The following KLHL3 variants were observed in gnomAD, a reference collection of about 807,000 sequenced individuals.
KLHL3 encodes the protein kelch like family member 3, also known as kelch-like protein 3.
Under a neutral mutation model 70.5 loss-of-function variants are expected in KLHL3, and 19 were observed. That is an observed-to-expected ratio of 0.27 (90% CI 0.19 to 0.40). The LOEUF is 0.40. Ranked by LOEUF, KLHL3 falls within the 10% of genes least tolerant of loss-of-function variation. The probability of loss-of-function intolerance (pLI) is 1.00; values close to 1 mark genes in which losing one functional copy is unlikely to be tolerated. For synonymous variants in KLHL3, 258 were observed against 290.3 expected, an observed-to-expected ratio of 0.89 and a Z score of 1.13; for missense variants, 512 against 771.1, an observed-to-expected ratio of 0.66 and a Z score of 3.98.
chr5:137,624,163 T>C (rs1242221371), intron 14 of KLHL3, among the ~76,000 whole-genome samples: 3 of 152,228 alleles, frequency 2.0e-5, no homozygotes, highest in African/African-American at 4.8e-5. Context: ...AATAAATTTG[T>C]CCATAAATCT....
rs55683916 is a variant in KLHL3 at position 137,691,777 on chromosome 5, ATT to A, written c.526+506_526+507del. 1.5e-3 allele frequency among the ~76,000 whole-genome samples: 224 copies of A among 146,032 alleles called. 1 individual carries two copies. The highest frequency in any genetic ancestry group is 3.1e-3 in the African/African-American group (123 of 39,512). On this transcript the variant is annotated intron_variant, in intron 5 of 14. Transcript: ENST00000309755. ...AGGCGCCCGCCACCAAGCCCCGCTA[ATT>A]TTTTTTTTTTTGTATTTTTAATAGA... is the stretch of plus-strand genomic sequence containing the variant.
At chr5:137,674,381 G>C (rs1751834800) in intron 6 of KLHL3, among the ~76,000 whole-genome samples, 1 of 152,142 alleles carries the variant, frequency 6.6e-6, no homozygotes, top group African/African-American at 2.4e-5. Flanking sequence ...TTCTCAGCTT[G>C]TTTAAGTAGG....
At chr5:137,667,722 G>T (rs541682867) in intron 6 of KLHL3, among the ~76,000 whole-genome samples, 1 of 152,326 alleles carries the variant, frequency 6.6e-6, no homozygotes, top group African/African-American at 2.4e-5. Flanking sequence ...CACTGACTTG[G>T]CAAGGGGAGA....
chr5:137,632,716 C>T (rs545939443), intron 12 of KLHL3, among the ~76,000 whole-genome samples: 1 of 152,096 alleles, frequency 6.6e-6, no homozygotes, highest in African/African-American at 2.4e-5. Flanking sequence ...AATCAACAAA[C>T]AGTCAACCTA....
At chr5:137,689,703 A>G (rs527819518) in intron 5 of KLHL3, among the ~76,000 whole-genome samples, 6 of 152,380 alleles carry the variant, frequency 3.9e-5, no homozygotes, top group East Asian at 1.9e-4. Flanking sequence ...TAAATTTCCT[A>G]TTGGGTACTA....
intron 11 of KLHL3, among the ~76,000 whole-genome samples, chr5:137,635,831 C>T (rs1402647201): frequency 6.6e-6 from 1 of 152,184 alleles, no homozygotes; most frequent in Non-Finnish European, 1.5e-5. Flanking sequence ...ACATACAGAA[C>T]ATGCTCACAA....
At chr5:137,720,817 T>C in intron 1 of KLHL3, 1 of 1,345,492 alleles carries the variant, frequency 7.4e-7, no homozygotes, top group Non-Finnish European at 9.6e-7. Flanking sequence ...CCAAGTACTG[T>C]GTGATTTTGT....
intron 5 of KLHL3, among the ~76,000 whole-genome samples, chr5:137,685,210 G>A (rs1752132500): frequency 6.6e-6 from 1 of 152,110 alleles, no homozygotes; most frequent in South Asian, 2.1e-4. Flanking sequence ...TACCCTACAG[G>A]TATACTAGCA....
chr5:137,689,614 T>C (rs1298967477), intron 5 of KLHL3, among the ~76,000 whole-genome samples: 1 of 152,210 alleles, frequency 6.6e-6, no homozygotes, highest in Non-Finnish European at 1.5e-5. Context: ...GTAAGTGGGC[T>C]AAACCCTGGG....
chr5:137,712,156 CAA>C (rs201519598), intron 2 of KLHL3, among the ~76,000 whole-genome samples: 8 of 74,864 alleles, frequency 1.1e-4, no homozygotes, highest in African/African-American at 3.8e-4. Flanking sequence ...AAGATTCTGT[CAA>C]AAAAAAAAAA....
Position 137,622,213 on chromosome 5 carries a change from G to C in KLHL3, c.1736-87C>G, listed in dbSNP as rs796201481. 5.5e-6 allele frequency: 8 copies of C among 1,456,904 alleles called. No individual in the cohort carries two copies. The African/African-American group carries it at 9.7e-5, about 18-fold the overall frequency. The allele number at this position is 1,456,904 out of a possible 1,614,324, so 90.2% of individuals were successfully genotyped here. A position where few individuals can be genotyped will look rare whatever the true frequency, so the allele number is the denominator to read the frequency against. On this transcript the variant is annotated intron_variant, in intron 14 of 14. Transcript: ENST00000309755. ...TGAGTTCATGAATCCAAGATATCCTGAGTCACAGCCAAGGGAAATGTGTGC... is the reference window on the plus strand; with the variant it reads ...TGAGTTCATGAATCCAAGATATCCTCAGTCACAGCCAAGGGAAATGTGTGC...
intron 2 of KLHL3, among the ~76,000 whole-genome samples, chr5:137,718,208 T>C (rs1269990378): frequency 1.3e-5 from 2 of 152,204 alleles, no homozygotes; most frequent in African/African-American, 4.8e-5. Flanking sequence ...TGCTGAATTA[T>C]ACAAAAGAGA....
chr5:137,697,051 AT>A (rs1163776406), intron 4 of KLHL3, among the ~76,000 whole-genome samples: 1 of 152,040 alleles, frequency 6.6e-6, no homozygotes, highest in Non-Finnish European at 1.5e-5. Context: ...GGTGCACCAA[AT>A]CCTCAATACC....
chr5:137,729,374 C>T (rs564292918), intron 1 of KLHL3, among the ~76,000 whole-genome samples: 3 of 152,232 alleles, frequency 2.0e-5, no homozygotes, highest in Non-Finnish European at 4.4e-5. Flanking sequence ...ACCCATCACA[C>T]TCTGTCTAGG....
At chr5:137,658,417 C>T in intron 7 of KLHL3, 137 bp from the exon 8 acceptor site, 1 of 812,136 alleles carries the variant, frequency 1.2e-6, no homozygotes, top group Non-Finnish European at 2.0e-6. Context: ...CAAAGAGTTA[C>T]AACTTACTGC....
chr5:137,637,261 AGG>A, intron 11 of KLHL3, 31 bp downstream of exon 11: 1 of 1,554,876 alleles, frequency 6.4e-7, no homozygotes, highest in East Asian at 2.2e-5. Context: ...TGGGCCAGGT[AGG>A]CCTGGCCACT....
chr5:137,681,980 C>A (rs1445256387), intron 5 of KLHL3, among the ~76,000 whole-genome samples: 1 of 152,008 alleles, frequency 6.6e-6, no homozygotes, highest in African/African-American at 2.4e-5. Flanking sequence ...ACATATCTTC[C>A]CAATGTTAAA....
At chr5:137,733,645 G>C (rs1475831383) in intron 1 of KLHL3, among the ~76,000 whole-genome samples, 2 of 152,236 alleles carry the variant, frequency 1.3e-5, no homozygotes, top group African/African-American at 4.8e-5. Flanking sequence ...CCAAGATAAA[G>C]TAGAATTTTA....
At chr5:137,699,829 C>T (rs1455033885) in intron 3 of KLHL3, among the ~76,000 whole-genome samples, 1 of 152,074 alleles carries the variant, frequency 6.6e-6, no homozygotes, top group Non-Finnish European at 1.5e-5. Flanking sequence ...CTGTGGAATT[C>T]ATACACCAGA....
Sources: gnomAD v4.1 joint callset for allele counts (sites outside exome capture counted in the v4.1 genomes callset) on GRCh38, gnomAD v4.1.1 for gene constraint, MANE v1.5 for transcripts, NCBI Gene and HGNC (gene_info 2026-07-23, HGNC 2026-07-21) for gene names.